Variants in TENM4 observed in about 807,000 individuals in gnomAD.
TENM4 encodes the protein teneurin transmembrane protein 4.
Under a neutral mutation model 243.3 loss-of-function variants are expected in TENM4, and 82 were observed. That is an observed-to-expected ratio of 0.34 (90% confidence interval 0.28 to 0.40). The LOEUF is 0.40. Among genes scored for constraint, TENM4 ranks in the 10% least tolerant of loss-of-function variants. The pLI, the probability that TENM4 is intolerant of heterozygous loss-of-function variation, is 1.00. For missense variants in TENM4, 3,138 were observed against 3,673.3 expected (o/e 0.85, Z 3.77); for synonymous variants, 1,412 against 1,456.3 (o/e 0.97, Z 0.69).
rs758363238 is a variant in TENM4 at position 79,069,939 on chromosome 11, G to C, written c.6C>G (p.Asp2Glu). ...AGCGGTAAGGCTTCCTCTCCTTCAC[G>C]TCCATGGCCTCCGGCCCGCGCTCCT... is the stretch of plus-strand genomic sequence containing the variant. M[D>E]VKERKPYRSL... The change falls in exon 5 of 34, where the codon GAC becomes GAG. Residue 2 changes from aspartate (D) to glutamate (E), a missense_variant. Asp to Glu is a conservative substitution (Grantham distance 45). This residue lies in a region of TENM4 where 671 missense variants were observed against 614.1 expected (regional missense o/e 1.09). Coordinates refer to ENST00000278550, the MANE Select transcript of TENM4 (RefSeq NM_001098816.3). 2.6e-6 allele frequency: 4 copies of C among 1,545,586 alleles called. No homozygotes were observed. The Admixed American group carries it at 5.9e-5, about 23-fold the overall frequency.
At chr11:78,744,506 T>C (rs1306044337) in intron 19 of TENM4, among the ~76,000 whole-genome samples, 4 of 152,200 alleles carry the variant, frequency 2.6e-5, no homozygotes, top group East Asian at 1.9e-4. Flanking sequence ...CTGAATCAAA[T>C]GCAGGATTCG....
intron 2 of TENM4, among the ~76,000 whole-genome samples, chr11:79,270,180 T>C (rs1855946183): frequency 6.6e-6 from 1 of 152,136 alleles, no homozygotes; most frequent in Non-Finnish European, 1.5e-5. Flanking sequence ...CCTCTGTTGT[T>C]CTTTCCTCCC....
intron 6 of TENM4, among the ~76,000 whole-genome samples, chr11:78,962,947 ATC>A (rs1268431606): frequency 2.0e-5 from 3 of 152,246 alleles, no homozygotes. Context: ...TTTTCTAAGA[ATC>A]TCACATTTTA....
At chr11:79,071,715 T>A (rs757080381) in intron 4 of TENM4, among the ~76,000 whole-genome samples, 1 of 152,108 alleles carries the variant, frequency 6.6e-6, no homozygotes, top group Non-Finnish European at 1.5e-5. Context: ...AGTGCAAACA[T>A]TTGTGATTTT....
At chr11:79,038,460 T>C (rs1000049816) in intron 6 of TENM4, among the ~76,000 whole-genome samples, 1 of 152,222 alleles carries the variant, frequency 6.6e-6, no homozygotes, top group African/African-American at 2.4e-5. Flanking sequence ...CCAGTACAAA[T>C]GTTACCTTTT....
intron 15 of TENM4, among the ~76,000 whole-genome samples, chr11:78,789,060 A>G (rs1271172896): frequency 6.6e-6 from 1 of 152,102 alleles, no homozygotes. Context: ...TTATCATCAG[A>G]CTAGGAACCC....
intron 3 of TENM4, among the ~76,000 whole-genome samples, chr11:79,169,274 G>A (rs1862986634): frequency 6.6e-6 from 1 of 152,202 alleles, no homozygotes; most frequent in Non-Finnish European, 1.5e-5. Flanking sequence ...CAATAGATGA[G>A]GGATACCCTG....
rs150465551 is a variant in TENM4 at position 79,171,130 on chromosome 11, AC to A, written c.-162-22325del. The stretch of plus-strand genomic sequence containing the variant: ...TCAGAGAGGCATCTTCTCCTATCTT[AC>A]CTGTGAGAAGATAAAAGCCCAGAGA... On this transcript the variant is annotated intron_variant, in intron 3 of 33. Transcript: ENST00000278550. Among the ~76,000 whole-genome samples the A allele has an allele frequency of 4.8e-3, 736 of 152,252 alleles. 6 individuals are homozygous for A. Among genetic ancestry groups the A allele is most frequent in the Admixed American group, 8.2e-3 (125 of 15,290 alleles).
chr11:78,788,439 G>A (rs1856984210), intron 15 of TENM4, among the ~76,000 whole-genome samples: 1 of 152,246 alleles, frequency 6.6e-6, no homozygotes, highest in Admixed American at 6.5e-5. Context: ...CCAGGGACCT[G>A]GATCCTATGC....
At chr11:78,876,813 T>TG (rs376584832) in intron 9 of TENM4, among the ~76,000 whole-genome samples, 19 of 152,316 alleles carry the variant, frequency 1.2e-4, no homozygotes, top group Admixed American at 6.5e-4. Flanking sequence ...AACCTGAATT[T>TG]GGGGAAGCTC....
At chr11:79,308,236 C>G (rs761286461) in intron 1 of TENM4, among the ~76,000 whole-genome samples, 2 of 152,226 alleles carry the variant, frequency 1.3e-5, no homozygotes, top group Non-Finnish European at 2.9e-5. Context: ...CTTACAAACC[C>G]TTTCTCAGAG....
chr11:79,187,384 C>T (rs1302453081), intron 3 of TENM4, among the ~76,000 whole-genome samples: 1 of 152,214 alleles, frequency 6.6e-6, no homozygotes, highest in Non-Finnish European at 1.5e-5. Flanking sequence ...TCCTGCTCAA[C>T]CCATGCATGG....
intron 15 of TENM4, among the ~76,000 whole-genome samples, chr11:78,795,921 G>A (rs1857151538): frequency 6.6e-6 from 1 of 152,016 alleles, no homozygotes; most frequent in Admixed American, 6.6e-5. Flanking sequence ...AGACATTGAG[G>A]CCAAACCCAA....
chr11:79,020,435 C>A (rs1222871447), intron 6 of TENM4, among the ~76,000 whole-genome samples: 1 of 152,130 alleles, frequency 6.6e-6, no homozygotes, highest in Non-Finnish European at 1.5e-5. Flanking sequence ...GAGGAAGACT[C>A]ACTGGCTTTG....
chr11:79,268,381 A>G (rs2135339870), intron 2 of TENM4, among the ~76,000 whole-genome samples: 1 of 152,354 alleles, frequency 6.6e-6, no homozygotes, highest in Middle Eastern at 3.4e-3. Flanking sequence ...AACTGACCCA[A>G]GTATAATATA....
At chr11:78,987,241 GT>G (rs1249411864) in intron 6 of TENM4, among the ~76,000 whole-genome samples, 1 of 152,042 alleles carries the variant, frequency 6.6e-6, no homozygotes, top group Non-Finnish European at 1.5e-5. Context: ...CTTTCCAAAT[GT>G]CTATCAACAG....
intron 6 of TENM4, among the ~76,000 whole-genome samples, chr11:78,979,434 G>A (rs541099161): frequency 3.3e-4 from 50 of 152,360 alleles, no homozygotes; most frequent in African/African-American, 1.2e-3. Context: ...TTGGGGCTCA[G>A]TGGCCCCTTG....
intron 12 of TENM4, among the ~76,000 whole-genome samples, chr11:78,846,658 AG>A (rs1265710553): frequency 6.6e-6 from 1 of 152,176 alleles, no homozygotes; most frequent in African/African-American, 2.4e-5. Context: ...TTACATGGGC[AG>A]CTTCTCCTTT....
At chr11:78,807,867 AT>A (rs1272062295) in intron 14 of TENM4, among the ~76,000 whole-genome samples, 1 of 152,200 alleles carries the variant, frequency 6.6e-6, no homozygotes, top group African/African-American at 2.4e-5. Context: ...GTCCAATTAC[AT>A]AACTGCTCTG....
Sources: gnomAD v4.1 joint callset for allele counts (sites outside exome capture counted in the v4.1 genomes callset) on GRCh38, gnomAD v4.1.1 for gene constraint, gnomAD v4.1.1 regional missense constraint, MANE v1.5 for transcripts, NCBI Gene and HGNC (gene_info 2026-07-23, HGNC 2026-07-21) for gene names.